The following ITGA9 variants were observed in gnomAD, a reference collection of about 807,000 sequenced individuals.
The protein encoded by ITGA9 is integrin alpha-9.
Under a neutral mutation model 127.8 loss-of-function variants are expected in ITGA9, and 56 were observed. The observed-to-expected ratio is 0.44, with a 90% CI of 0.35 to 0.55. The LOEUF (loss-of-function observed/expected upper bound fraction) is 0.55, where lower values mean the gene tolerates loss of function less well. Ranked by LOEUF, ITGA9 falls within the 20% of genes least tolerant of loss-of-function variation. The pLI is 0.00. For synonymous variants in ITGA9, 508 were observed against 514.5 expected, an observed-to-expected ratio of 0.99 and a Z score of 0.17; for missense variants, 1,196 against 1,347.1, an observed-to-expected ratio of 0.89 and a Z score of 1.76.
At chr3:37,775,645 CAA>C (rs34276307) in intron 23 of ITGA9, among the ~76,000 whole-genome samples, 188 of 125,646 alleles carry the variant, frequency 1.5e-3, no homozygotes, top group Admixed American at 2.3e-3. Context: ...GACTCCATCT[CAA>C]AAAAAAAAAA....
At chr3:37,694,425 T>G (rs1220488929) in intron 18 of ITGA9, among the ~76,000 whole-genome samples, 1 of 152,244 alleles carries the variant, frequency 6.6e-6, no homozygotes, top group Non-Finnish European at 1.5e-5. Flanking sequence ...GGGCGCTTCC[T>G]GCGGCAGTCG....
chr3:37,729,721 T>C (rs1166952067), intron 18 of ITGA9, among the ~76,000 whole-genome samples: 1 of 148,044 alleles, frequency 6.8e-6, no homozygotes, highest in Non-Finnish European at 1.5e-5. Context: ...TTTTTTTTTT[T>C]TGAGACAGAG....
chr3:37,730,804 G>A (rs77107664), intron 18 of ITGA9, among the ~76,000 whole-genome samples: 4,329 of 152,294 alleles, frequency 0.028, 79 homozygotes, highest in Middle Eastern at 0.065. Flanking sequence ...AAGGGCTAAG[G>A]AAAGGTGCTC....
At position 37,820,922 on chromosome 3, in the gene ITGA9, G is replaced by A. The variant is rs1386081705; in HGVS notation, c.*1933G>A. The A allele has an allele frequency of 1.3e-5, 2 of 152,162 alleles. No individual in the cohort carries two copies. Among genetic ancestry groups the A allele is most frequent in the Non-Finnish European group, 2.9e-5 (2 of 68,036 alleles). The allele number at this position is 152,162 out of a possible 1,614,324, so 9.4% of individuals were successfully genotyped here. ...AAAAGACATCAAACTCAACTTCTGG[G>A]AAGACAGATTTTTAATACACATACT... On this transcript the variant is annotated 3_prime_UTR_variant, in exon 28 of 28. Transcript: ENST00000264741.
chr3:37,555,271 A>G (rs1699419625), intron 15 of ITGA9, among the ~76,000 whole-genome samples: 1 of 152,252 alleles, frequency 6.6e-6, no homozygotes, highest in Non-Finnish European at 1.5e-5. Context: ...TCTAAGTACC[A>G]GCTAGACATC....
At chr3:37,504,457 G>A (rs76138518) in intron 6 of ITGA9, among the ~76,000 whole-genome samples, 2,532 of 152,236 alleles carry the variant, frequency 0.017, 63 homozygotes, top group African/African-American at 0.057. Context: ...CTGTGGGTGC[G>A]TCTGAGAGAG....
At chr3:37,749,856 C>T (rs1696558940) in intron 22 of ITGA9, among the ~76,000 whole-genome samples, 1 of 152,166 alleles carries the variant, frequency 6.6e-6, no homozygotes, top group African/African-American at 2.4e-5. Flanking sequence ...TGGGATGACC[C>T]ACTTGGTCCT....
At chr3:37,672,574 C>T (rs944067633) in intron 17 of ITGA9, among the ~76,000 whole-genome samples, 1 of 152,112 alleles carries the variant, frequency 6.6e-6, no homozygotes, top group Non-Finnish European at 1.5e-5. Flanking sequence ...GGGATAGGCA[C>T]ACCTGAGAAG....
At chr3:37,659,983 AAC>A (rs10694969) in intron 17 of ITGA9, among the ~76,000 whole-genome samples, 99 of 149,936 alleles carry the variant, frequency 6.6e-4, no homozygotes, top group African/African-American at 1.6e-3. Context: ...AAGATGATGT[AAC>A]ACACACACAC....
chr3:37,452,639 C>T lies in ITGA9; in HGVS notation c.185+80C>T, dbSNP rs1440799713. ...CCAGGCCAGCGCCGCCGCCGCCTTT[C>T]CGGTCTCTTCCACGCCGCCGTCCCG... On this transcript the variant is annotated intron_variant, in intron 1 of 27. Transcript: ENST00000264741. This position sits in a 1 kb window ranked among gnomAD's most constrained non-coding sequence, Gnocchi z 7.3. 1 of 1,249,516 alleles carries T rather than the reference C, an allele frequency of 8.0e-7. No homozygotes were observed. Among genetic ancestry groups the T allele is most frequent in the Admixed American group, 3.6e-5 (1 of 27,896 alleles). 77.4% of individuals were successfully genotyped at this position (1,249,516 alleles called of 1,614,324 possible).
At chr3:37,494,684 G>C (rs1308177448) in intron 5 of ITGA9, 116 bp downstream of exon 5, 2 of 832,266 alleles carry the variant, frequency 2.4e-6, no homozygotes, top group East Asian at 5.3e-5. Context: ...CTTGAGCCTC[G>C]AGGGAGCAGA....
chr3:37,495,673 T>C (rs1455532763), intron 5 of ITGA9, among the ~76,000 whole-genome samples: 1 of 152,192 alleles, frequency 6.6e-6, no homozygotes, highest in Non-Finnish European at 1.5e-5. Context: ...TTGGTCTTCT[T>C]ATGTCTATTA....
At chr3:37,595,844 T>C (rs1303901316) in intron 15 of ITGA9, among the ~76,000 whole-genome samples, 2 of 152,226 alleles carry the variant, frequency 1.3e-5, no homozygotes, top group East Asian at 3.9e-4. Context: ...CCTTGTGTGT[T>C]TGTCTCCCTC....
chr3:37,698,216 T>A (rs994203742), intron 18 of ITGA9, among the ~76,000 whole-genome samples: 24 of 152,186 alleles, frequency 1.6e-4, no homozygotes, highest in African/African-American at 5.8e-4. Flanking sequence ...GTTTAAGTTC[T>A]TTGTAGATTC....
chr3:37,496,157 A>G (rs1327035050), intron 5 of ITGA9, among the ~76,000 whole-genome samples: 1 of 152,218 alleles, frequency 6.6e-6, no homozygotes, highest in African/African-American at 2.4e-5. Context: ...GAACATAGAC[A>G]GTTGGCAATA....
chr3:37,508,779 C>T (rs1337564471), intron 8 of ITGA9, 152 bp downstream of exon 8: 2 of 698,834 alleles, frequency 2.9e-6, no homozygotes, highest in East Asian at 2.7e-5. Context: ...ACCTTCTCAG[C>T]GGTATGTGTA....
intron 23 of ITGA9, among the ~76,000 whole-genome samples, chr3:37,770,378 C>G (rs572466989): frequency 6.6e-6 from 1 of 152,120 alleles, no homozygotes; most frequent in East Asian, 1.9e-4. Context: ...ACTTTTCTGC[C>G]TCTTCAGTGT....
intron 16 of ITGA9, among the ~76,000 whole-genome samples, chr3:37,651,795 G>T (rs62241489): frequency 0.015 from 2,313 of 152,240 alleles, 28 homozygotes; most frequent in Non-Finnish European, 0.023. Context: ...ATCCACTTGT[G>T]GGGAGGCCCT....
In ITGA9 at chr3:37,506,032, C is replaced by T. The variant is rs1485861817; in HGVS notation, c.775C>T (p.Pro259Ser). Reference protein sequence around the residue: ...YAVTAGHFSHPSTIDVVGGAP... With the variant: ...YAVTAGHFSHSSTIDVVGGAP... ...AGTGACCGCTGGCCACTTCTCTCAC[C>T]CGTCCACCATTGATGTGGTAGGAGG... The change falls in exon 7 of 28, where the codon CCG becomes TCG. Residue 259 changes from proline to serine, a missense_variant. Transcript: ENST00000264741. 3 of 1,609,996 alleles carry T rather than the reference C, an allele frequency of 1.9e-6. No homozygotes were observed. The highest frequency in any genetic ancestry group is 1.1e-5 in the South Asian group (1 of 89,710).
Sources: gnomAD v4.1 joint callset for allele counts (sites outside exome capture counted in the v4.1 genomes callset) on GRCh38, gnomAD v4.1.1 for gene constraint, Gnocchi (gnomAD v3.1) non-coding constraint, MANE v1.5 for transcripts, NCBI Gene and HGNC (gene_info 2026-07-23, HGNC 2026-07-21) for gene names.